The following MGAT4A variants were observed in gnomAD, a reference collection of about 807,000 sequenced individuals.
MGAT4A encodes the protein N-acetylglucosaminyltransferase IVa.
Under a neutral mutation model 74.1 loss-of-function variants are expected in MGAT4A, and 33 were observed. The ratio of observed to expected loss-of-function variants is 0.45; its 90% CI spans 0.34 to 0.60. MGAT4A has a LOEUF of 0.60. Ranked by LOEUF, MGAT4A falls within the 20% of genes least tolerant of loss-of-function variation. The pLI is 0.02. For missense variants in MGAT4A, 479 were observed against 628.3 expected, an observed-to-expected ratio of 0.76 and a Z score of 2.54; for synonymous variants, 198 against 210.4, an observed-to-expected ratio of 0.94 and a Z score of 0.51.
At chr2:98,645,770 A>G (rs1159192197) in intron 8 of MGAT4A, among the ~76,000 whole-genome samples, 1 of 152,220 alleles carries the variant, frequency 6.6e-6, no homozygotes, top group Non-Finnish European at 1.5e-5. Context: ...GGAAATAACA[A>G]TGAGGAAAAT....
chr2:98,644,641 T>TC (rs1394823077), intron 9 of MGAT4A, among the ~76,000 whole-genome samples: 2 of 151,746 alleles, frequency 1.3e-5, no homozygotes, highest in Non-Finnish European at 2.9e-5. Context: ...ACATACTCTT[T>TC]TTTTTTTTTT....
chr2:98,727,688 C>A (rs1702785744), intron 1 of MGAT4A, among the ~76,000 whole-genome samples: 1 of 152,146 alleles, frequency 6.6e-6, no homozygotes, highest in Non-Finnish European at 1.5e-5. Context: ...AGAGCACAAC[C>A]GATTCAAGCA....
At chr2:98,625,933 T>C (rs1701137858) in intron 14 of MGAT4A, 98 bp from the exon 15 acceptor site, 1 of 725,388 alleles carries the variant, frequency 1.4e-6, no homozygotes, top group East Asian at 2.7e-5. Context: ...AAAATATTTC[T>C]AGTAGATGTC....
chr2:98,698,526 GCTC>G (rs1478162814), intron 2 of MGAT4A, among the ~76,000 whole-genome samples: 1 of 152,052 alleles, frequency 6.6e-6, no homozygotes, highest in Non-Finnish European at 1.5e-5. Context: ...CAGTATCAAC[GCTC>G]CTTTTATTCA....
intron 2 of MGAT4A, among the ~76,000 whole-genome samples, chr2:98,698,715 G>T (rs1414592286): frequency 6.6e-6 from 1 of 152,018 alleles, no homozygotes; most frequent in Admixed American, 6.6e-5. Context: ...AAGCTGCTTG[G>T]AGTGCTCCAA....
intron 8 of MGAT4A, among the ~76,000 whole-genome samples, chr2:98,650,260 T>G (rs1046863780): frequency 1.3e-5 from 2 of 151,608 alleles, no homozygotes; most frequent in Non-Finnish European, 2.9e-5. Context: ...AACAGAAAAA[T>G]AGCGATACCC....
At chr2:98,690,987 T>C (rs1350014763) in intron 2 of MGAT4A, among the ~76,000 whole-genome samples, 2 of 152,072 alleles carry the variant, frequency 1.3e-5, no homozygotes, top group African/African-American at 2.4e-5. Context: ...TCAGGGACGT[T>C]TGGAACTGTA....
intron 2 of MGAT4A, among the ~76,000 whole-genome samples, chr2:98,690,630 C>T (rs1216056346): frequency 2.0e-5 from 3 of 152,034 alleles, no homozygotes; most frequent in Non-Finnish European, 2.9e-5. Context: ...TATTGAGAAC[C>T]AGGAAAATCT....
At chr2:98,725,142 C>T (rs1702742949) in intron 2 of MGAT4A, among the ~76,000 whole-genome samples, 1 of 152,148 alleles carries the variant, frequency 6.6e-6, no homozygotes, top group Admixed American at 6.5e-5. Flanking sequence ...AACATGAATT[C>T]TAAAATGTAC....
chr2:98,676,796 A>G (rs1475315333), intron 3 of MGAT4A, among the ~76,000 whole-genome samples: 1 of 152,254 alleles, frequency 6.6e-6, no homozygotes. Context: ...ATCATACACA[A>G]TAACAATTTT....
At chr2:98,670,932 T>C (rs1701902774) in intron 4 of MGAT4A, among the ~76,000 whole-genome samples, 1 of 152,152 alleles carries the variant, frequency 6.6e-6, no homozygotes, top group African/African-American at 2.4e-5. Flanking sequence ...TACTCCAACA[T>C]CTCCACTGTG....
chr2:98,704,472 G>A (rs1702395477), intron 2 of MGAT4A, among the ~76,000 whole-genome samples: 1 of 151,958 alleles, frequency 6.6e-6, no homozygotes, highest in Non-Finnish European at 1.5e-5. Flanking sequence ...AGCAGGGTGC[G>A]GTGGCATGCT....
intron 2 of MGAT4A, among the ~76,000 whole-genome samples, chr2:98,697,555 A>G (rs560697614): frequency 2.2e-4 from 34 of 152,352 alleles, no homozygotes; most frequent in African/African-American, 8.2e-4. Context: ...TTGATATTGT[A>G]CATTATATAC....
In MGAT4A at chr2:98,659,789, A is replaced by T. The variant is rs115633319; in HGVS notation, c.538-1525T>A. On this transcript the variant is annotated intron_variant, in intron 5 of 15. Coordinates refer to ENST00000393487, the MANE Select transcript of MGAT4A (RefSeq NM_012214.3). ...GAACTGTGAGTCCATTTTTCTTTATAAATTACCCAGTCTTGGGTATGTCTT... is the reference window on the plus strand; with the variant it reads ...GAACTGTGAGTCCATTTTTCTTTATTAATTACCCAGTCTTGGGTATGTCTT... Among the ~76,000 whole-genome samples, 587 of 152,276 alleles carry T rather than the reference A, an allele frequency of 3.9e-3. 6 individuals carry two copies. The highest frequency in any genetic ancestry group is 0.013 in the African/African-American group (551 of 41,552).
chr2:98,635,159 C>T, intron 14 of MGAT4A, 63 bp downstream of exon 14: 1 of 1,283,066 alleles, frequency 7.8e-7, no homozygotes, highest in South Asian at 1.3e-5. Flanking sequence ...CTGAAAAGAA[C>T]TGAAAAGTAC....
At chr2:98,666,932 T>C (rs1421189299) in intron 4 of MGAT4A, among the ~76,000 whole-genome samples, 37 of 152,210 alleles carry the variant, frequency 2.4e-4, no homozygotes, top group Admixed American at 2.4e-3. Context: ...GGTTTGGCTG[T>C]GTCCCCACCC....
intron 5 of MGAT4A, among the ~76,000 whole-genome samples, chr2:98,661,045 A>T (rs1178639011): frequency 6.6e-6 from 1 of 152,206 alleles, no homozygotes; most frequent in Non-Finnish European, 1.5e-5. Flanking sequence ...TCCAAAATAT[A>T]TAAGGAACTC....
chr2:98,667,113 C>T (rs1257963719), intron 4 of MGAT4A, among the ~76,000 whole-genome samples: 3 of 50,862 alleles, frequency 5.9e-5, no homozygotes, highest in East Asian at 3.4e-4. Flanking sequence ...TGCCTGCTGC[C>T]ATCCACATAA....
intron 10 of MGAT4A, 114 bp from the exon 11 acceptor site, chr2:98,640,342 G>C (rs926124622): frequency 1.2e-6 from 1 of 831,076 alleles, no homozygotes; most frequent in South Asian, 1.8e-5. Flanking sequence ...GGGCGCGGTG[G>C]GTCATGCCTA....
Sources: gnomAD v4.1 joint callset for allele counts (sites outside exome capture counted in the v4.1 genomes callset) on GRCh38, gnomAD v4.1.1 for gene constraint, MANE v1.5 for transcripts, NCBI Gene and HGNC (gene_info 2026-07-23, HGNC 2026-07-21) for gene names.